Variants in SYNE1 observed in about 807,000 individuals in gnomAD.
SYNE1 encodes spectrin repeat containing nuclear envelope protein 1, also known as nesprin-1.
Under a neutral mutation model 1,111.0 loss-of-function variants are expected in SYNE1, and 616 were observed. That is an observed-to-expected ratio of 0.55 (90% CI 0.52 to 0.59). The LOEUF is 0.59. Among genes scored for constraint, SYNE1 ranks in the 20% least tolerant of loss-of-function variants. The pLI is 0.00. For synonymous variants in SYNE1, 3,855 were observed against 3,825.8 expected (o/e 1.01, Z -0.28); for missense variants, 10,006 against 10,417.0 (o/e 0.96, Z 1.72).
intron 98 of SYNE1, among the ~76,000 whole-genome samples, chr6:152,270,218 CA>C (rs2093089305): frequency 6.6e-6 from 1 of 152,132 alleles, no homozygotes. Flanking sequence ...AGACTGTACT[CA>C]AAGATGAAAA....
At chr6:152,316,641 C>A in intron 87 of SYNE1, 1 of 601,602 alleles carries the variant, frequency 1.7e-6, no homozygotes, top group Non-Finnish European at 2.9e-6. Context: ...TAGGGAAGAT[C>A]AAGGATATTT....
intron 9 of SYNE1, among the ~76,000 whole-genome samples, chr6:152,504,556 A>G (rs1268782934): frequency 2.6e-5 from 4 of 152,218 alleles, no homozygotes; most frequent in Non-Finnish European, 4.4e-5. Flanking sequence ...AGAAATGTCC[A>G]TAATTGCCAG....
chr6:152,264,627 T>C (rs1284604511), intron 100 of SYNE1, among the ~76,000 whole-genome samples: 1 of 151,690 alleles, frequency 6.6e-6, no homozygotes, highest in Non-Finnish European at 1.5e-5. Context: ...CCAGACCCTG[T>C]CTCTACAAAA....
In SYNE1 at chr6:152,488,510, A is replaced by G. The variant is rs2098953120; in HGVS notation, c.940-7T>C. On this transcript the variant is annotated splice_region_variant and splice_polypyrimidine_tract_variant and intron_variant, in intron 11 of 145. Coordinates refer to ENST00000367255, the MANE Select transcript of SYNE1 (RefSeq NM_182961.4). ...AAATTACTCTGTCTTCTCTCTGGAA[A>G]TGAGGAGACATTACAATTTTATTAG... The G allele has an allele frequency of 1.4e-6, 2 of 1,411,530 alleles. No individual in the cohort carries two copies. Among genetic ancestry groups the G allele is most frequent in the South Asian group, 2.3e-5 (2 of 86,764 alleles). The allele number at this position is 1,411,530 out of a possible 1,614,324, so 87.4% of individuals were successfully genotyped here.
intron 128 of SYNE1, among the ~76,000 whole-genome samples, chr6:152,187,925 C>T (rs1182448384): frequency 6.6e-6 from 1 of 152,066 alleles, no homozygotes; most frequent in Non-Finnish European, 1.5e-5. Context: ...AGGGTTTCAC[C>T]ATGTTGGCCA....
intron 74 of SYNE1, among the ~76,000 whole-genome samples, chr6:152,340,187 A>G (rs72999352): frequency 6.6e-6 from 1 of 152,222 alleles, no homozygotes; most frequent in Non-Finnish European, 1.5e-5. Context: ...ACCTGAATGC[A>G]TGGCATGGCA....
At chr6:152,282,823 G>C (rs1038049399) in intron 96 of SYNE1, among the ~76,000 whole-genome samples, 4 of 151,868 alleles carry the variant, frequency 2.6e-5, no homozygotes, top group African/African-American at 9.7e-5. Flanking sequence ...GATTTTTGCC[G>C]TTACTTTTGC....
chr6:152,151,942 T>C lies in SYNE1; in HGVS notation c.24312+17A>G, dbSNP rs2060495384. Reference sequence around the variant, plus strand: ...CATCCTCTGGCCTCTAAATTACAGATGAGGCATAGCAAAAACCTTGAGTCT... The same window carrying C: ...CATCCTCTGGCCTCTAAATTACAGACGAGGCATAGCAAAAACCTTGAGTCT... On this transcript the variant is annotated intron_variant, in intron 134 of 145. Transcript: ENST00000367255. 6.2e-7 allele frequency: 1 copy of C among 1,613,668 alleles called. No homozygotes were observed. Among genetic ancestry groups the C allele is most frequent in the Non-Finnish European group, 8.5e-7 (1 of 1,179,654 alleles).
At chr6:152,278,557 G>C (rs540235562) in intron 97 of SYNE1, among the ~76,000 whole-genome samples, 1 of 152,178 alleles carries the variant, frequency 6.6e-6, no homozygotes, top group South Asian at 2.1e-4. Flanking sequence ...CCGCCTCCCA[G>C]GTTCACGCCA....
At chr6:152,265,733 A>T (rs2092637096) in intron 100 of SYNE1, among the ~76,000 whole-genome samples, 1 of 152,166 alleles carries the variant, frequency 6.6e-6, no homozygotes, top group African/African-American at 2.4e-5. Context: ...ATTGACATCA[A>T]CAAATTTCCA....
chr6:152,540,142 C>A, intron 3 of SYNE1, 121 bp from the exon 4 acceptor site: 1 of 979,940 alleles, frequency 1.0e-6, no homozygotes, highest in Non-Finnish European at 1.6e-6. Context: ...TTCATTTTAC[C>A]AATTATTGTC....
At chr6:152,184,112 T>C (rs2068956435) in intron 128 of SYNE1, among the ~76,000 whole-genome samples, 1 of 152,200 alleles carries the variant, frequency 6.6e-6, no homozygotes, top group South Asian at 2.1e-4. Context: ...AATATGGTAA[T>C]ATTAGAGAAA....
At chr6:152,490,288 G>A (rs533498548) in intron 11 of SYNE1, among the ~76,000 whole-genome samples, 2 of 151,494 alleles carry the variant, frequency 1.3e-5, no homozygotes, top group South Asian at 4.3e-4. Context: ...TATCTTGGGG[G>A]TCCTGGAACC....
intron 91 of SYNE1, among the ~76,000 whole-genome samples, chr6:152,307,707 G>A (rs1360538338): frequency 6.6e-6 from 1 of 152,164 alleles, no homozygotes; most frequent in Non-Finnish European, 1.5e-5. Context: ...ATTTGAAAAC[G>A]AGGCACATGT....
At chr6:152,630,174 CATGTGCA>C (rs1331563004) in intron 2 of SYNE1, among the ~76,000 whole-genome samples, 1 of 151,838 alleles carries the variant, frequency 6.6e-6, no homozygotes, top group African/African-American at 2.4e-5. Flanking sequence ...GCTGCTGCCC[CATGTGCA>C]ATGCATCAGA....
intron 78 of SYNE1, among the ~76,000 whole-genome samples, chr6:152,328,078 G>A (rs1047552303): frequency 2.0e-5 from 3 of 152,008 alleles, no homozygotes; most frequent in Admixed American, 6.6e-5. Flanking sequence ...AGGTTACTTC[G>A]TGTCAGACCC....
intron 5 of SYNE1, among the ~76,000 whole-genome samples, chr6:152,523,844 C>T (rs1301243622): frequency 6.6e-6 from 1 of 151,976 alleles, no homozygotes; most frequent in African/African-American, 2.4e-5. Flanking sequence ...TGATATTATT[C>T]TCGGCTTGGT....
intron 3 of SYNE1, among the ~76,000 whole-genome samples, chr6:152,622,900 C>T (rs1280231407): frequency 6.6e-6 from 1 of 152,112 alleles, no homozygotes; most frequent in African/African-American, 2.4e-5. Context: ...GTAAGCATTC[C>T]TTTTTCTCCA....
Position 152,477,347 on chromosome 6 carries a change from G to C in SYNE1, c.1351-4934C>G, listed in dbSNP as rs148852415. Among the ~76,000 whole-genome samples the C allele has an allele frequency of 7.2e-5, 11 of 152,256 alleles. No individual in the cohort carries two copies. The East Asian group carries it at 2.1e-3, about 29-fold the overall frequency. On this transcript the variant is annotated intron_variant, in intron 14 of 145. Coordinates refer to ENST00000367255, the MANE Select transcript of SYNE1 (RefSeq NM_182961.4). ...TGGGGGAAGTTGTAATTTCAAAAGA[G>C]GTGGCCAGAAAAGGGTGGATGAAGA...
Sources: allele counts gnomAD v4.1 joint callset (sites outside exome capture counted in the v4.1 genomes callset), GRCh38; gene constraint gnomAD v4.1.1; transcripts MANE v1.5; gene names NCBI Gene and HGNC (gene_info 2026-07-23, HGNC 2026-07-21).